Variants in FRK observed in about 807,000 individuals in gnomAD.
FRK encodes the protein tyrosine-protein kinase FRK.
A neutral mutation model predicts 56.4 loss-of-function variants in FRK; 51 were observed. That is an observed-to-expected ratio of 0.90 (90% CI 0.72 to 1.14). FRK has a LOEUF of 1.14. Among genes scored for constraint, FRK ranks in the 50% most tolerant of loss-of-function variants. The pLI, the probability that FRK is intolerant of heterozygous loss-of-function variation, is 0.00. For synonymous variants in FRK, 245 were observed against 217.9 expected, an observed-to-expected ratio of 1.12 and a Z score of -1.10; for missense variants, 570 against 601.4, an observed-to-expected ratio of 0.95 and a Z score of 0.55.
At chr6:116,081,438 C>A in the FRK span, among the ~76,000 whole-genome samples, 1 of 152,154 alleles carries the variant, frequency 6.6e-6, no homozygotes, top group South Asian at 2.1e-4. Flanking sequence ...GGGCGGATCA[C>A]CTGAGGTCAG....
At chr6:115,999,919 C>G (rs1167052515) in intron 2 of FRK, among the ~76,000 whole-genome samples, 2 of 152,134 alleles carry the variant, frequency 1.3e-5, no homozygotes, top group African/African-American at 2.4e-5. Flanking sequence ...GAATACATAG[C>G]AATCAGATAA....
intron 2 of FRK, among the ~76,000 whole-genome samples, chr6:115,999,816 T>C (rs1385412964): frequency 6.6e-6 from 1 of 152,224 alleles, no homozygotes; most frequent in African/African-American, 2.4e-5. Context: ...TTCTTTCCTT[T>C]CCATTTTTCT....
intron 2 of FRK, among the ~76,000 whole-genome samples, chr6:116,003,145 G>A (rs553445137): frequency 3.9e-5 from 6 of 152,196 alleles, no homozygotes; most frequent in African/African-American, 1.4e-4. Context: ...TATTTAAAGG[G>A]GATGATAACA....
At chr6:116,032,170 G>A (rs1776324504) in intron 1 of FRK, among the ~76,000 whole-genome samples, 1 of 151,896 alleles carries the variant, frequency 6.6e-6, no homozygotes, top group South Asian at 2.1e-4. Flanking sequence ...AATTTTTTCT[G>A]AGAAGATCAA....
At chr6:116,045,103 A>G (rs1776892073) in intron 1 of FRK, among the ~76,000 whole-genome samples, 1 of 152,102 alleles carries the variant, frequency 6.6e-6, no homozygotes, top group Admixed American at 6.6e-5. Flanking sequence ...AAATGGAAAA[A>G]CATTCCATGC....
intron 2 of FRK, among the ~76,000 whole-genome samples, chr6:115,983,175 C>A (rs1316420511): frequency 6.6e-6 from 1 of 151,938 alleles, no homozygotes; most frequent in African/African-American, 2.4e-5. Context: ...CTCATAACAA[C>A]CTGATGGGGT....
intron 1 of FRK, among the ~76,000 whole-genome samples, chr6:116,056,993 AAAAC>A (rs1430790564): frequency 1.3e-5 from 2 of 152,240 alleles, no homozygotes; most frequent in Non-Finnish European, 2.9e-5. Flanking sequence ...AGTATAAAAG[AAAAC>A]AAACAAACTG....
chr6:115,971,417 T>C (rs1188785161), intron 2 of FRK, among the ~76,000 whole-genome samples: 1 of 152,148 alleles, frequency 6.6e-6, no homozygotes, highest in Non-Finnish European at 1.5e-5. Context: ...CAAGGAAATA[T>C]CAAACAAAAA....
At chr6:115,956,424 T>G in intron 5 of FRK, 28 bp downstream of exon 5, 2 of 1,465,750 alleles carry the variant, frequency 1.4e-6, no homozygotes, top group Non-Finnish European at 1.8e-6. Flanking sequence ...ATTCCTCTTT[T>G]TTTCCTTGTA....
chr6:116,078,715 C>A, the FRK span, among the ~76,000 whole-genome samples: 1 of 152,174 alleles, frequency 6.6e-6, no homozygotes, highest in Non-Finnish European at 1.5e-5. Flanking sequence ...ACACTAAAAG[C>A]CCCCTGCAGG....
At chr6:116,088,910 G>GC in the FRK span, among the ~76,000 whole-genome samples, 1 of 152,180 alleles carries the variant, frequency 6.6e-6, no homozygotes, top group African/African-American at 2.4e-5. Context: ...GCCATGGGGA[G>GC]CCCCACATTG....
At chr6:116,072,838 T>C in the FRK span, among the ~76,000 whole-genome samples, 1 of 152,146 alleles carries the variant, frequency 6.6e-6, no homozygotes, top group Non-Finnish European at 1.5e-5. Flanking sequence ...GTGGAAAGTA[T>C]AACAGGGAAG....
chr6:116,064,663 C>T (rs1357771993), upstream of FRK, among the ~76,000 whole-genome samples: 1 of 152,086 alleles, frequency 6.6e-6, no homozygotes, highest in African/African-American at 2.4e-5. Context: ...GATTCCTTTG[C>T]CAGCCTCCTA....
the FRK span, among the ~76,000 whole-genome samples, chr6:116,074,679 T>C: frequency 6.6e-6 from 1 of 152,176 alleles, no homozygotes; most frequent in Non-Finnish European, 1.5e-5. Flanking sequence ...TTTCTTTGCA[T>C]AGAAGTCAGA....
chr6:116,040,839 A>T lies in FRK; in HGVS notation c.344+19129T>A, dbSNP rs886337741. On this transcript the variant is annotated intron_variant, in intron 1 of 7. Transcript: ENST00000606080. ...TGTTCATTAATTATTATGCTTTAGA[A>T]CCTACCTGAAAGTTACATATATTAT... is the stretch of plus-strand genomic sequence containing the variant. Among the ~76,000 whole-genome samples, 6 of 152,196 alleles carry T rather than the reference A, an allele frequency of 3.9e-5. No individual in the cohort carries two copies. The South Asian group carries it at 1.2e-3, about 32-fold the overall frequency.
In FRK at chr6:116,033,485, A is replaced by C. The variant is rs535904018; in HGVS notation, c.344+26483T>G. Among the ~76,000 whole-genome samples, 412 of 152,174 alleles carry C rather than the reference A, an allele frequency of 2.7e-3. 2 individuals carry two copies. The highest frequency in any genetic ancestry group is 9.0e-3 in the African/African-American group (372 of 41,564). ...AATTGAGCCAGTTATTTTTCTCTTT[A>C]TTTTGTACAAATTTATTGAACAATA... is the stretch of plus-strand genomic sequence containing the variant. On this transcript the variant is annotated intron_variant, in intron 1 of 7. Transcript: ENST00000606080.
intron 1 of FRK, among the ~76,000 whole-genome samples, chr6:116,005,872 T>C (rs1245255453): frequency 6.6e-6 from 1 of 152,188 alleles, no homozygotes; most frequent in African/African-American, 2.4e-5. Context: ...TGATGCTACC[T>C]ACAGCATACA....
At chr6:116,065,170 T>C (rs993336844), upstream of FRK, among the ~76,000 whole-genome samples, 1 of 152,212 alleles carries the variant, frequency 6.6e-6, no homozygotes, top group Non-Finnish European at 1.5e-5. Flanking sequence ...ACCATGCTCC[T>C]ATACCTGGTA....
rs943510905 is a variant in FRK, at chr6:115,942,347, T to C, written c.*67A>G. The C allele has an allele frequency of 2.0e-5, 26 of 1,292,620 alleles. No individual in the cohort carries two copies. Among genetic ancestry groups the C allele is most frequent in the South Asian group, 6.2e-5 (5 of 80,440 alleles). The allele number at this position is 1,292,620 out of a possible 1,614,324, so 80.1% of individuals were successfully genotyped here. A position where few individuals can be genotyped will look rare whatever the true frequency, so the allele number is the denominator to read the frequency against. On this transcript the variant is annotated 3_prime_UTR_variant, in exon 8 of 8. Transcript: ENST00000606080. ...CTGATTGTGCAGTTGGTTGATAACA[T>C]TGTATTTTGGAATGGATTATTTGAA...
Sources: gnomAD v4.1 joint callset for allele counts (sites outside exome capture counted in the v4.1 genomes callset) on GRCh38, gnomAD v4.1.1 for gene constraint, MANE v1.5 for transcripts, NCBI Gene and HGNC (gene_info 2026-07-23, HGNC 2026-07-21) for gene names.